KIF19: variants seen among roughly 807,000 people sequenced by gnomAD.
KIF19 encodes the protein kinesin-like protein KIF19.
In KIF19, 98 loss-of-function variants were observed where a neutral mutation model predicts 106.6. The ratio of observed to expected loss-of-function variants is 0.92; its 90% CI spans 0.78 to 1.09. KIF19 has a LOEUF of 1.09. Ranked by LOEUF, KIF19 falls within the 50% of genes least tolerant of loss-of-function variation. The pLI is 0.00. For synonymous variants in KIF19, 516 were observed against 584.2 expected (o/e 0.88, Z 1.68); for missense variants, 1,373 against 1,414.3 (o/e 0.97, Z 0.47).
At position 74,339,756 on chromosome 17, in the gene KIF19, G is replaced by A. The variant is rs554168839; in HGVS notation, c.121-2120G>A. ...CCAGGGAGCCCAGGCGTCCCCAGGCGCAGAGCAGCATTTAGAGGCGCCAGC... is the reference window on the plus strand; with the variant it reads ...CCAGGGAGCCCAGGCGTCCCCAGGCACAGAGCAGCATTTAGAGGCGCCAGC... On this transcript the variant is annotated intron_variant, in intron 2 of 19. Coordinates refer to ENST00000389916, the MANE Select transcript of KIF19 (RefSeq NM_153209.4). 7.2e-5 allele frequency among the ~76,000 whole-genome samples: 11 copies of A among 152,340 alleles called. No homozygotes were observed. The South Asian group carries it at 1.4e-3, about 20-fold the overall frequency.
chr17:74,337,329 G>A lies in KIF19; in HGVS notation c.121-4547G>A, dbSNP rs570989486. Among the ~76,000 whole-genome samples the A allele has an allele frequency of 4.3e-5, 5 of 115,462 alleles. No individual in the cohort carries two copies. The East Asian group carries it at 9.5e-4, about 22-fold the overall frequency. The allele number at this position is 115,462 out of a possible 152,430, so 75.7% of individuals were successfully genotyped here. The stretch of plus-strand genomic sequence containing the variant: ...AAGCCTCCCCTAGTAGGGACTGCAT[G>A]TGCTCACGGGGTGGGGGGGGTGCCT... On this transcript the variant is annotated intron_variant, in intron 2 of 19. Coordinates refer to ENST00000389916, the MANE Select transcript of KIF19 (RefSeq NM_153209.4).
chr17:74,344,120 C>T, intron 5 of KIF19, 103 bp from the exon 6 acceptor site: 1 of 1,144,656 alleles, frequency 8.7e-7, no homozygotes, highest in Non-Finnish European at 1.2e-6. Flanking sequence ...GAAGGGTGAA[C>T]TCTTGTCCCT....
intron 2 of KIF19, among the ~76,000 whole-genome samples, chr17:74,332,769 G>A (rs569513987): frequency 6.6e-6 from 1 of 152,336 alleles, no homozygotes; most frequent in South Asian, 2.1e-4. Context: ...ATGTAGGCAA[G>A]AGGAGCCCTG....
At chr17:74,329,950 A>G (rs999121043) in intron 2 of KIF19, among the ~76,000 whole-genome samples, 5 of 152,180 alleles carry the variant, frequency 3.3e-5, no homozygotes, top group Non-Finnish European at 7.3e-5. Flanking sequence ...GGATAAGCAA[A>G]CCAGAGGCAG....
Position 74,344,305 on chromosome 17 carries a change from A to G in KIF19, c.539A>G (p.Gln180Arg), listed in dbSNP as rs2144258775. ...ELREDSKGVI[Q>R]VAGITEVSTI... ...CGGGAGGACTCTAAGGGGGTGATCC[A>G]GGTGGCCGGCATCACCGAAGTCTCC... Residue 180 changes from glutamine (Q) to arginine (R), a missense_variant, in exon 6 of 20, where the codon CAG becomes CGG. Around this residue, in one of 3 missense-constraint regions of KIF19, gnomAD observed 348 missense variants for 389.5 expected, o/e 0.89. Transcript: ENST00000389916. 6.2e-7 allele frequency: 1 copy of G among 1,612,798 alleles called. No homozygotes were observed. The highest frequency in any genetic ancestry group is 8.5e-7 in the Non-Finnish European group (1 of 1,179,762).
At position 74,346,654 on chromosome 17, in the gene KIF19, T is replaced by C. The variant is rs1344735951; in HGVS notation, c.924+130T>C. The C allele has an allele frequency of 2.5e-6, 2 of 800,238 alleles. No individual in the cohort carries two copies. The highest frequency in any genetic ancestry group is 5.4e-5 in the East Asian group (2 of 36,982). The allele number at this position is 800,238 out of a possible 1,614,324, so 49.6% of individuals were successfully genotyped here. On this transcript the variant is annotated intron_variant, in intron 8 of 19. Coordinates refer to ENST00000389916, the MANE Select transcript of KIF19 (RefSeq NM_153209.4). The surrounding 1 kb of genome is among the most constrained non-coding windows in gnomAD (Gnocchi z 4.6). ...ACAGCAAAATTTATTTTAGCGTAAA[T>C]ATGTCCCATGAAATATTTGGGATAT...
At chr17:74,344,691 C>T (rs113296978) in intron 6 of KIF19, 70 bp from the exon 7 acceptor site, 2 of 1,483,298 alleles carry the variant, frequency 1.3e-6, no homozygotes, top group Non-Finnish European at 1.8e-6. Context: ...TGCTAGCCCC[C>T]TCAGGGGCTC....
Position 74,349,260 on chromosome 17 carries a change from TC to T in KIF19, c.1126del (p.Gln376SerfsTer299). 1 of 1,613,476 alleles carries T rather than the reference TC, an allele frequency of 6.2e-7. No homozygotes were observed. The highest frequency in any genetic ancestry group is 8.5e-7 in the Non-Finnish European group (1 of 1,179,810). ...TSIIADLRGE[I>X]QRLKRKIDEQ... ...ATCATCGCTGACCTGCGGGGCGAGA[TC>T]CAGCGACTCAAGCGCAAGATTGATG... On this transcript the variant is annotated frameshift_variant, in exon 10 of 20. Transcript: ENST00000389916. LOFTEE classifies it high-confidence loss of function.
chr17:74,332,085 C>T (rs2054098174), intron 2 of KIF19, among the ~76,000 whole-genome samples: 1 of 151,966 alleles, frequency 6.6e-6, no homozygotes, highest in Non-Finnish European at 1.5e-5. Context: ...GGGATGGCTT[C>T]GGGTCCCAGA....
At chr17:74,333,458 G>C (rs1297813231) in intron 2 of KIF19, among the ~76,000 whole-genome samples, 1 of 150,608 alleles carries the variant, frequency 6.6e-6, no homozygotes, top group Non-Finnish European at 1.5e-5. Flanking sequence ...TGCCTCCCAG[G>C]TTCTAGTGAG....
At position 74,343,112 on chromosome 17, in the gene KIF19, G is replaced by A; in HGVS notation, c.408G>A (p.Glu136=). The A allele has an allele frequency of 6.2e-7, 1 of 1,613,238 alleles. No homozygotes were observed. Among genetic ancestry groups the A allele is most frequent in the Non-Finnish European group, 8.5e-7 (1 of 1,179,844 alleles). ...QTLNDLFRAI[E]ETSNDMEYEV... ...TCAACGACCTCTTCCGTGCCATCGA[G>A]GAGACCAGCAATGACATGGAGTATG... Residue 136 remains glutamate, a synonymous_variant, in exon 5 of 20, where the codon GAG becomes GAA. Transcript: ENST00000389916.
Position 74,343,121 on chromosome 17 carries a change from C to A in KIF19, c.417C>A (p.Ser139Arg), listed in dbSNP as rs751211394. 3.7e-6 allele frequency: 6 copies of A among 1,613,202 alleles called. No homozygotes were observed. The highest frequency in any genetic ancestry group is 4.2e-6 in the Non-Finnish European group (5 of 1,179,830). ...NDLFRAIEET[S>R]NDMEYEVSMS... Reference sequence around the variant, plus strand: ...TCTTCCGTGCCATCGAGGAGACCAGCAATGACATGGAGTATGAGGTCTCCA... The same window carrying A: ...TCTTCCGTGCCATCGAGGAGACCAGAAATGACATGGAGTATGAGGTCTCCA... Residue 139 changes from serine to arginine, a missense_variant, in exon 5 of 20, where the codon AGC becomes AGA. This residue lies in a region of KIF19 where 348 missense variants were observed against 389.5 expected (regional missense o/e 0.89). Coordinates refer to ENST00000389916, the MANE Select transcript of KIF19 (RefSeq NM_153209.4).
chr17:74,353,153 A>G (rs1487951794), intron 15 of KIF19, 43 bp from the exon 16 acceptor site: 1 of 1,512,468 alleles, frequency 6.6e-7, no homozygotes, highest in Admixed American at 1.9e-5. Flanking sequence ...CCTCGGTGAG[A>G]TAGCCTGGTC....
At position 74,328,460 on chromosome 17, in the gene KIF19, G is replaced by A. The variant is rs190406158; in HGVS notation, c.75G>A (p.Glu25=). 2.5e-5 allele frequency: 40 copies of A among 1,611,386 alleles called. No homozygotes were observed. In the Middle Eastern group the frequency reaches 5.0e-4, roughly 20 times the overall value. The part of the protein sequence containing the change: ...ALRVRPISVA[E]LEEGATLIAH... ...GGGTCCGGCCCATCAGCGTGGCAGA[G>A]CTGGAGGAAGGAGCTACCCTCATCG... The change falls in exon 2 of 20, where the codon GAG becomes GAA. Residue 25 remains glutamate, a synonymous_variant. Transcript: ENST00000389916.
chr17:74,336,857 G>A (rs1012402009), intron 2 of KIF19, among the ~76,000 whole-genome samples: 9 of 151,944 alleles, frequency 5.9e-5, no homozygotes, highest in Admixed American at 1.3e-4. Context: ...ACAGAGTCTC[G>A]CTCTGTCACC....
In KIF19 at chr17:74,350,507, G is replaced by C; in HGVS notation, c.1320G>C (p.Leu440=). The C allele has an allele frequency of 1.2e-6, 2 of 1,612,730 alleles. No individual in the cohort carries two copies. The highest frequency in any genetic ancestry group is 1.7e-6 in the Non-Finnish European group (2 of 1,179,814). Reference sequence around the variant, plus strand: ...AGCAGATGGATGTGCGGAGGCGCCTGCTGGAGCTGGAGAACCGCGCCATGG... The same window carrying C: ...AGCAGATGGATGTGCGGAGGCGCCTCCTGGAGCTGGAGAACCGCGCCATGG... The part of the protein sequence containing the change: ...FQEQMDVRRR[L]LELENRAMEV... The change falls in exon 11 of 20, where the codon CTG becomes CTC. Residue 440 remains leucine (L), a synonymous_variant. Transcript: ENST00000389916.
rs1765134657 is a variant in KIF19 at position 74,331,818 on chromosome 17, A to C, written c.120+3313A>C. On this transcript the variant is annotated intron_variant, in intron 2 of 19. Transcript: ENST00000389916. The surrounding 1 kb of genome is among the most constrained non-coding windows in gnomAD (Gnocchi z 4.1). ...TCTCGAACTCCTGACCTCAAGTGAT[A>C]CACCCGCCTCAGCCTCCCAAACTGT... 6.6e-6 allele frequency among the ~76,000 whole-genome samples: 1 copy of C among 151,760 alleles called. No individual in the cohort carries two copies. The highest frequency in any genetic ancestry group is 2.4e-5 in the African/African-American group (1 of 41,276).
chr17:74,352,844 C>A lies in KIF19; in HGVS notation c.2004C>A (p.Thr668=). The part of the protein sequence containing the change: ...ALQDSSLPKI[T]PAGTSLTPDS... ...AGGACAGCTCCTTGCCCAAAATTAC[C>A]CCAGCAGGAACCTCACTGACCCCAG... Residue 668 remains threonine, a synonymous_variant, in exon 15 of 20, where the codon ACC becomes ACA. Transcript: ENST00000389916. The A allele has an allele frequency of 6.2e-7, 1 of 1,613,964 alleles. No homozygotes were observed. Among genetic ancestry groups the A allele is most frequent in the Non-Finnish European group, 8.5e-7 (1 of 1,179,870 alleles).
chr17:74,340,564 C>CACACACACACACAG (rs2054343371), intron 2 of KIF19, among the ~76,000 whole-genome samples: 1 of 152,144 alleles, frequency 6.6e-6, no homozygotes, highest in Non-Finnish European at 1.5e-5. Flanking sequence ...CGTACACACA[C>CACACACACACACAG]ACACACACAC....
Sources: allele counts gnomAD v4.1 joint callset (sites outside exome capture counted in the v4.1 genomes callset), GRCh38; gene constraint gnomAD v4.1.1; regional missense constraint gnomAD v4.1.1; non-coding constraint Gnocchi (gnomAD v3.1); transcripts MANE v1.5; gene names NCBI Gene and HGNC (gene_info 2026-07-23, HGNC 2026-07-21).